The following UHRF2 variants were observed in gnomAD, a reference collection of about 807,000 sequenced individuals.
UHRF2 encodes ubiquitin like with PHD and ring finger domains 2, also known as E3 ubiquitin-protein ligase UHRF2.
Under a neutral mutation model 96.8 loss-of-function variants are expected in UHRF2, and 23 were observed. The ratio of observed to expected loss-of-function variants is 0.24; its 90% CI spans 0.17 to 0.34. The LOEUF (loss-of-function observed/expected upper bound fraction) is 0.34. Among genes scored for constraint, UHRF2 ranks in the 10% least tolerant of loss-of-function variants. The probability of loss-of-function intolerance (pLI) is 1.00; values close to 1 mark genes in which losing one functional copy is unlikely to be tolerated. For missense variants in UHRF2, 685 were observed against 981.5 expected (o/e 0.70, Z 4.04); for synonymous variants, 385 against 332.6 (o/e 1.16, Z -1.72).
intron 8 of UHRF2, among the ~76,000 whole-genome samples, chr9:6,485,803 C>CGA (rs1192702012): frequency 1.7e-5 from 1 of 59,192 alleles, no homozygotes; most frequent in African/African-American, 5.1e-5. Context: ...TGTCTCTACC[C>CGA]AAAAAAAAAA....
intron 9 of UHRF2, chr9:6,492,425 C>T: frequency 1.1e-6 from 1 of 942,796 alleles, no homozygotes; most frequent in Non-Finnish European, 1.3e-6. Flanking sequence ...AGAATTCCTT[C>T]TCATAGAATA....
chr9:6,469,681 T>TATATAC lies in UHRF2; in HGVS notation c.864-5705_864-5704insCATATA, dbSNP rs1554630027. On this transcript the variant is annotated intron_variant, in intron 4 of 15. Coordinates refer to ENST00000276893, the MANE Select transcript of UHRF2 (RefSeq NM_152896.3). ...AGGTGTGTGTGTGTGTGTGTGTATG[T>TATATAC]ATATATATACACGTATATACATACA... Among the ~76,000 whole-genome samples the TATATAC allele has an allele frequency of 1.2e-3, 104 of 87,680 alleles. 1 individual carries two copies. Among genetic ancestry groups the TATATAC allele is most frequent in the Admixed American group, 3.7e-3 (32 of 8,766 alleles). 57.5% of individuals were successfully genotyped at this position (87,680 alleles called of 152,430 possible).
chr9:6,504,361 T>G, intron 14 of UHRF2: 1 of 316,816 alleles, frequency 3.2e-6, no homozygotes, highest in Middle Eastern at 1.0e-3. Context: ...TGAAACATTT[T>G]TATTGCTAAA....
chr9:6,420,766 A>G (rs1819887575), intron 1 of UHRF2, 146 bp from the exon 2 acceptor site: 1 of 625,120 alleles, frequency 1.6e-6, no homozygotes, highest in Non-Finnish European at 2.8e-6. Context: ...CACTGACATC[A>G]GAGGCCATTA....
intron 6 of UHRF2, among the ~76,000 whole-genome samples, chr9:6,480,573 A>G (rs1412116331): frequency 6.6e-6 from 1 of 152,196 alleles, no homozygotes; most frequent in Non-Finnish European, 1.5e-5. Context: ...TGCTTCTCCA[A>G]ATCATGTTGT....
At chr9:6,501,261 C>T (rs1045608807) in intron 14 of UHRF2, among the ~76,000 whole-genome samples, 7 of 152,186 alleles carry the variant, frequency 4.6e-5, no homozygotes, top group African/African-American at 1.7e-4. Flanking sequence ...ACAAGCCCTT[C>T]TTATCAAATC....
chr9:6,454,001 T>A (rs1822027129), intron 3 of UHRF2, among the ~76,000 whole-genome samples: 1 of 150,552 alleles, frequency 6.6e-6, no homozygotes, highest in South Asian at 2.1e-4. Context: ...TATTTCTGCA[T>A]AATAAAAAAA....
chr9:6,445,735 T>C (rs1040968258), intron 3 of UHRF2, among the ~76,000 whole-genome samples: 1 of 151,758 alleles, frequency 6.6e-6, no homozygotes, highest in African/African-American at 2.4e-5. Context: ...TTTAAAAAAT[T>C]TTTCTTTTTG....
intron 2 of UHRF2, among the ~76,000 whole-genome samples, chr9:6,424,808 A>T (rs1820152226): frequency 1.5e-5 from 2 of 133,498 alleles, no homozygotes. Context: ...TACCGTGACC[A>T]TTTTGAGGAG....
At chr9:6,481,511 C>T (rs780292440) in intron 6 of UHRF2, 132 bp from the exon 7 acceptor site, 4 of 956,610 alleles carry the variant, frequency 4.2e-6, no homozygotes, top group Non-Finnish European at 5.9e-6. Flanking sequence ...TATTTTAATG[C>T]CAGTTAAAGC....
chr9:6,425,379 A>G (rs1284128479), intron 2 of UHRF2, among the ~76,000 whole-genome samples: 1 of 152,144 alleles, frequency 6.6e-6, no homozygotes, highest in Non-Finnish European at 1.5e-5. Flanking sequence ...GCACTACAAC[A>G]TGCTTCAGGT....
intron 3 of UHRF2, among the ~76,000 whole-genome samples, chr9:6,450,596 C>G (rs1177934862): frequency 6.6e-6 from 1 of 151,996 alleles, no homozygotes; most frequent in Non-Finnish European, 1.5e-5. Context: ...AATTTGTTAC[C>G]AGCTTGTATT....
intron 3 of UHRF2, among the ~76,000 whole-genome samples, chr9:6,434,645 G>C (rs1000335706): frequency 2.0e-5 from 3 of 151,994 alleles, no homozygotes; most frequent in Non-Finnish European, 4.4e-5. Flanking sequence ...CATCATGTTG[G>C]CCAGACTGGT....
At chr9:6,441,271 G>A (rs1455534772) in intron 3 of UHRF2, among the ~76,000 whole-genome samples, 1 of 152,138 alleles carries the variant, frequency 6.6e-6, no homozygotes, top group Non-Finnish European at 1.5e-5. Context: ...CTACTCGGGA[G>A]GCTGAAGTGG....
chr9:6,459,193 G>T (rs937431182), intron 3 of UHRF2, among the ~76,000 whole-genome samples: 21 of 152,166 alleles, frequency 1.4e-4, no homozygotes, highest in African/African-American at 5.1e-4. Context: ...TTCTGCACAG[G>T]TATCCAAGAA....
intron 3 of UHRF2, among the ~76,000 whole-genome samples, chr9:6,454,230 A>G (rs375578973): frequency 7.2e-5 from 11 of 152,358 alleles, no homozygotes; most frequent in African/African-American, 2.2e-4. Flanking sequence ...GAGAAGCTAA[A>G]TTGGGAATCT....
chr9:6,418,797 T>A lies in UHRF2; in HGVS notation c.154-2115T>A, dbSNP rs536417071. On this transcript the variant is annotated intron_variant, in intron 1 of 15. Coordinates refer to ENST00000276893, the MANE Select transcript of UHRF2 (RefSeq NM_152896.3). ...GAGACTTAATTTCCTAGGGCTGTTG[T>A]ACTAATGTACCAAAACCTGGGTGGC... Among the ~76,000 whole-genome samples, 48 of 152,368 alleles carry A rather than the reference T, an allele frequency of 3.2e-4. 2 individuals are homozygous for A. Among genetic ancestry groups the A allele is most frequent in the African/African-American group, 1.1e-3 (47 of 41,590 alleles).
rs988821078 is a variant in UHRF2 at position 6,467,244 on chromosome 9, C to T, written c.863+6453C>T. On this transcript the variant is annotated intron_variant, in intron 4 of 15. Coordinates refer to ENST00000276893, the MANE Select transcript of UHRF2 (RefSeq NM_152896.3). ...GCCTTAGCTTGTTACCTGCTTTCTC[C>T]ACCTTCAAAGCCAACGATGTTGCTT... is the stretch of plus-strand genomic sequence containing the variant. Among the ~76,000 whole-genome samples the T allele has an allele frequency of 5.9e-5, 9 of 152,308 alleles. No individual in the cohort carries two copies. In the South Asian group the frequency reaches 1.4e-3, roughly 25 times the overall value.
At chr9:6,493,189 T>C (rs1359603621) in intron 9 of UHRF2, among the ~76,000 whole-genome samples, 7 of 151,968 alleles carry the variant, frequency 4.6e-5, no homozygotes, top group African/African-American at 1.5e-4. Flanking sequence ...TCCCAGCTGC[T>C]TGGGAGGCTG....
Sources: gnomAD v4.1 joint callset for allele counts (sites outside exome capture counted in the v4.1 genomes callset) on GRCh38, gnomAD v4.1.1 for gene constraint, MANE v1.5 for transcripts, NCBI Gene and HGNC (gene_info 2026-07-23, HGNC 2026-07-21) for gene names.